The following VGLL4 variants were observed in gnomAD, a reference collection of about 807,000 sequenced individuals.
VGLL4 encodes the protein transcription cofactor vestigial-like protein 4.
A neutral mutation model predicts 21.0 loss-of-function variants in VGLL4; 7 were observed. The ratio of observed to expected loss-of-function variants is 0.33; its 90% CI spans 0.19 to 0.63. The LOEUF is 0.63. VGLL4 is among the 20% of genes least tolerant of loss of function. The probability of loss-of-function intolerance (pLI) is 0.78; values close to 1 mark genes in which losing one functional copy is unlikely to be tolerated. For missense variants in VGLL4, 394 were observed against 425.7 expected (o/e 0.93, Z 0.66); for synonymous variants, 222 against 173.2 (o/e 1.28, Z -2.21).
At chr3:11,645,319 G>A (rs963451955), upstream of VGLL4, among the ~76,000 whole-genome samples, 15 of 151,786 alleles carry the variant, frequency 9.9e-5, no homozygotes, top group African/African-American at 1.9e-4. Flanking sequence ...GGCCAGGCGC[G>A]GTGGCTCACG....
chr3:11,684,569 C>T (rs189270791), intron 2 of VGLL4, among the ~76,000 whole-genome samples: 233 of 152,064 alleles, frequency 1.5e-3, no homozygotes, highest in African/African-American at 5.0e-3. Context: ...TTTGCAGAGA[C>T]AGGGTTTTGC....
At position 11,558,310 on chromosome 3, in the gene VGLL4, G is replaced by GT. The variant is rs955635455; in HGVS notation, c.*245dup. The GT allele has an allele frequency of 2.4e-5, 15 of 617,486 alleles. No homozygotes were observed. The highest frequency in any genetic ancestry group is 4.0e-5 in the Non-Finnish European group (15 of 371,860). The allele number at this position is 617,486 out of a possible 1,614,324, so 38.3% of individuals were successfully genotyped here. ...GTTTCTTTGGTAACTGAGGCAGGAAGTAAGGATGCTACATTAGACAGATGT... is the reference window on the plus strand; with the variant it reads ...GTTTCTTTGGTAACTGAGGCAGGAAGTTAAGGATGCTACATTAGACAGATGT... On this transcript the variant is annotated 3_prime_UTR_variant, in exon 5 of 5. Coordinates refer to ENST00000430365, the MANE Select transcript of VGLL4 (RefSeq NM_001128219.3).
At chr3:11,714,582 A>G (rs2076893828) in intron 1 of VGLL4, among the ~76,000 whole-genome samples, 1 of 151,490 alleles carries the variant, frequency 6.6e-6, no homozygotes, top group Non-Finnish European at 1.5e-5. Flanking sequence ...AAAAAAAAAG[A>G]AAAAAATGAA....
At chr3:11,636,128 A>G (rs2075582202) in intron 1 of VGLL4, among the ~76,000 whole-genome samples, 1 of 152,220 alleles carries the variant, frequency 6.6e-6, no homozygotes, top group African/African-American at 2.4e-5. Context: ...ACTGCCATAT[A>G]ATGGAAGATG....
intron 2 of VGLL4, among the ~76,000 whole-genome samples, chr3:11,594,922 G>C (rs1559887038): frequency 6.6e-6 from 1 of 152,258 alleles, no homozygotes; most frequent in Non-Finnish European, 1.5e-5. Context: ...AGCACTTTGG[G>C]AGGCCGAGGC....
chr3:11,574,678 T>C (rs2073975192), intron 2 of VGLL4, among the ~76,000 whole-genome samples: 1 of 152,104 alleles, frequency 6.6e-6, no homozygotes, highest in Non-Finnish European at 1.5e-5. Flanking sequence ...AAACGATTAA[T>C]GTTTGATGGA....
chr3:11,690,845 T>C (rs1047728786), intron 2 of VGLL4, among the ~76,000 whole-genome samples: 2 of 152,176 alleles, frequency 1.3e-5, no homozygotes, highest in Non-Finnish European at 2.9e-5. Context: ...TTGATTTCTA[T>C]AAAAGTATAA....
intron 2 of VGLL4, among the ~76,000 whole-genome samples, chr3:11,688,847 C>T (rs1429795729): frequency 6.6e-6 from 1 of 151,986 alleles, no homozygotes. Context: ...GGTGAAACCC[C>T]GTCTCTACAA....
intron 2 of VGLL4, among the ~76,000 whole-genome samples, chr3:11,671,647 G>T (rs941869362): frequency 6.6e-6 from 1 of 152,116 alleles, no homozygotes; most frequent in South Asian, 2.1e-4. Context: ...TTGCTCAAGG[G>T]TCAACTGTAT....
At chr3:11,566,721 A>C (rs1394534945) in intron 2 of VGLL4, among the ~76,000 whole-genome samples, 1 of 152,140 alleles carries the variant, frequency 6.6e-6, no homozygotes, top group Non-Finnish European at 1.5e-5. Context: ...GCTGCAGTGT[A>C]GAATCCCAAG....
chr3:11,665,523 A>C (rs1464767914), intron 2 of VGLL4, among the ~76,000 whole-genome samples: 1 of 152,194 alleles, frequency 6.6e-6, no homozygotes, highest in African/African-American at 2.4e-5. Context: ...CCACAGCCTG[A>C]GGCTGAGTGA....
rs2073401254 is a variant in VGLL4 at position 11,565,057 on chromosome 3, C to T, written c.273-38G>A. ...AATGGGCATTCAGGGGGCGTTTTCT[C>T]AAAGGCAAAGGGGACAGTGACTGTG... On this transcript the variant is annotated intron_variant, in intron 2 of 4. Transcript: ENST00000430365. The surrounding 1 kb of genome is among the most constrained non-coding windows in gnomAD (Gnocchi z 4.1). The T allele has an allele frequency of 6.9e-7, 1 of 1,455,582 alleles. No individual in the cohort carries two copies. Among genetic ancestry groups the T allele is most frequent in the South Asian group, 1.5e-5 (1 of 66,800 alleles). The allele number at this position is 1,455,582 out of a possible 1,614,324, so 90.2% of individuals were successfully genotyped here.
chr3:11,661,629 G>A (rs1042021404), intron 2 of VGLL4, among the ~76,000 whole-genome samples: 4 of 151,842 alleles, frequency 2.6e-5, no homozygotes, highest in East Asian at 1.9e-4. Context: ...CCACCACCAC[G>A]CCCAGCTAAT....
chr3:11,591,461 G>A (rs950093214), intron 2 of VGLL4, among the ~76,000 whole-genome samples: 1 of 152,166 alleles, frequency 6.6e-6, no homozygotes, highest in Non-Finnish European at 1.5e-5. Context: ...CAGAAAAAAT[G>A]CCAGCAGCAA....
intron 2 of VGLL4, among the ~76,000 whole-genome samples, chr3:11,581,468 C>G (rs932086416): frequency 6.6e-6 from 1 of 152,114 alleles, no homozygotes; most frequent in Non-Finnish European, 1.5e-5. Flanking sequence ...ACCTAGACAC[C>G]CGGCCCTCAA....
intron 3 of VGLL4, among the ~76,000 whole-genome samples, chr3:11,563,960 G>A (rs565087906): frequency 5.6e-4 from 85 of 152,238 alleles, no homozygotes; most frequent in African/African-American, 1.8e-3. Flanking sequence ...GGGAAGCCCC[G>A]GTGAGGCCAC....
chr3:11,643,334 C>G, intron 1 of VGLL4, 103 bp downstream of exon 1: 1 of 1,582,998 alleles, frequency 6.3e-7, no homozygotes, highest in Non-Finnish European at 8.6e-7. Context: ...GTGCCCTACA[C>G]CCCGGAGGAG....
At chr3:11,676,402 AAAAAAAAATAAAATAATAATAATAAT>A (rs1257566406) in intron 2 of VGLL4, among the ~76,000 whole-genome samples, 17 of 146,768 alleles carry the variant, frequency 1.2e-4, no homozygotes, top group Admixed American at 2.7e-4. Flanking sequence ...CTCAAAAAAA[AAAAAAAAATAAAATAATAATAATAAT>A]AATAATAATA....
chr3:11,681,354 C>T, intron 2 of VGLL4, among the ~76,000 whole-genome samples: 1 of 152,234 alleles, frequency 6.6e-6, no homozygotes, highest in African/African-American at 2.4e-5. Flanking sequence ...GCCCCAGCCT[C>T]CCAAAGTGCT....
Sources: gnomAD v4.1 joint callset for allele counts (sites outside exome capture counted in the v4.1 genomes callset) on GRCh38, gnomAD v4.1.1 for gene constraint, Gnocchi (gnomAD v3.1) non-coding constraint, MANE v1.5 for transcripts, NCBI Gene and HGNC (gene_info 2026-07-23, HGNC 2026-07-21) for gene names.